Variants in INTS6 observed in about 807,000 individuals in gnomAD.
The protein encoded by INTS6 is integrator complex subunit 6, also known as DEAD box protein.
A neutral mutation model predicts 104.9 loss-of-function variants in INTS6; 16 were observed. That is an observed-to-expected ratio of 0.15 (90% CI 0.10 to 0.23). INTS6 has a LOEUF of 0.23. Ranked by LOEUF, INTS6 falls within the 10% of genes least tolerant of loss-of-function variation. The probability of loss-of-function intolerance (pLI) is 1.00; values close to 1 mark genes in which losing one functional copy is unlikely to be tolerated. For synonymous variants in INTS6, 324 were observed against 358.7 expected (o/e 0.90, Z 1.09); for missense variants, 584 against 1,062.8 (o/e 0.55, Z 6.26).
intron 4 of INTS6, among the ~76,000 whole-genome samples, chr13:51,401,351 G>T (rs1956435820): frequency 6.6e-6 from 1 of 152,116 alleles, no homozygotes; most frequent in South Asian, 2.1e-4. Flanking sequence ...GTTCTAAACA[G>T]AAGGATCATG....
downstream of INTS6, among the ~76,000 whole-genome samples, chr13:51,360,397 T>C (rs942851151): frequency 3.3e-5 from 5 of 151,998 alleles, no homozygotes; most frequent in Non-Finnish European, 5.9e-5. Context: ...TGATCTCAGG[T>C]GAGTTCACAG....
intron 11 of INTS6, among the ~76,000 whole-genome samples, chr13:51,378,822 A>G (rs901871136): frequency 1.3e-5 from 2 of 152,080 alleles, no homozygotes; most frequent in Non-Finnish European, 2.9e-5. Context: ...ATTATGTAAG[A>G]CATTTTTACT....
chr13:51,412,122 A>G (rs1298493080), intron 4 of INTS6, among the ~76,000 whole-genome samples: 1 of 152,202 alleles, frequency 6.6e-6, no homozygotes, highest in African/African-American at 2.4e-5. Flanking sequence ...AACAATAGTG[A>G]CAGAAAGCAG....
intron 5 of INTS6, among the ~76,000 whole-genome samples, chr13:51,392,020 T>C (rs2137954513): frequency 6.6e-6 from 1 of 152,258 alleles, no homozygotes; most frequent in Non-Finnish European, 1.5e-5. Flanking sequence ...CATCCTGGAT[T>C]GCTTCTTCCC....
intron 3 of INTS6, chr13:51,355,223 T>TTACACAGAGCCTTCAGTGGTAAACAA: frequency 1.5e-6 from 1 of 684,048 alleles, no homozygotes; most frequent in African/African-American, 1.8e-5. Flanking sequence ...GGATTCTCAT[T>TTACACAGAGCCTTCAGTGGTAAACAA]TCAGAGTCAA....
chr13:51,348,303 G>A, the INTS6 span: 15 of 1,613,178 alleles, frequency 9.3e-6, 1 homozygote, highest in Admixed American at 3.3e-5. Flanking sequence ...GTGCTGCCCC[G>A]TGACAAAGAC....
Position 51,452,169 on chromosome 13 carries a change from C to T in INTS6, c.112-114G>A, listed in dbSNP as rs1177560410. 3.1e-6 allele frequency: 3 copies of T among 982,504 alleles called. No homozygotes were observed. The Admixed American group carries it at 6.2e-5, about 20-fold the overall frequency. 60.9% of individuals were successfully genotyped at this position (982,504 alleles called of 1,614,324 possible). On this transcript the variant is annotated intron_variant, in intron 1 of 17. Transcript: ENST00000311234. The surrounding 1 kb of genome is among the most constrained non-coding windows in gnomAD (Gnocchi z 4.2). ...CGCCCCCACAGTACCGCACACGCAG[C>T]GGCCACCCCTCCACGCCGTCCCCCA...
rs1385030050 is a variant in INTS6, at chr13:51,362,740, T to C, written c.*3012A>G. The C allele has an allele frequency of 2.6e-5, 4 of 152,490 alleles. No homozygotes were observed. Among genetic ancestry groups the C allele is most frequent in the African/African-American group, 9.7e-5 (4 of 41,444 alleles). 9.4% of individuals were successfully genotyped at this position (152,490 alleles called of 1,614,324 possible). A position where few individuals can be genotyped will look rare whatever the true frequency, so the allele number is the denominator to read the frequency against. On this transcript the variant is annotated 3_prime_UTR_variant, in exon 18 of 18. Transcript: ENST00000311234. ...TTAGAATGAAAATTATGCATAGTTT[T>C]ACATAAATTGTTAAGGAAATACTGT...
At chr13:51,353,197 G>C (rs1442364592), downstream of INTS6, among the ~76,000 whole-genome samples, 1 of 151,742 alleles carries the variant, frequency 6.6e-6, no homozygotes, top group Non-Finnish European at 1.5e-5. Context: ...CACTTTTACT[G>C]ATGTTTTTAG....
intron 3 of INTS6, chr13:51,443,901 T>G: frequency 6.6e-6 from 1 of 152,156 alleles, no homozygotes; most frequent in Non-Finnish European, 1.5e-5. Flanking sequence ...TTTAACTAAT[T>G]TTGACCACAA....
In INTS6 at chr13:51,382,066, T is replaced by C; in HGVS notation, c.1238A>G (p.Glu413Gly). 1 of 1,612,086 alleles carries C rather than the reference T, an allele frequency of 6.2e-7. No individual in the cohort carries two copies. Among genetic ancestry groups the C allele is most frequent in the Non-Finnish European group, 8.5e-7 (1 of 1,178,980 alleles). ...GGGAGGCATTGTCTTCAAATAACTT[T>C]CAAATGACTGTCTCCACTTCAATGT... The part of the protein sequence containing the change: ...KPTLKWRQSF[E>G]SYLKTMPPYY... The change falls in exon 10 of 18, where the codon GAA becomes GGA. Residue 413 changes from glutamate (E) to glycine (G), a missense_variant. Transcript: ENST00000311234.
intron 4 of INTS6, among the ~76,000 whole-genome samples, chr13:51,415,456 G>A (rs1956770246): frequency 6.6e-6 from 1 of 152,156 alleles, no homozygotes; most frequent in African/African-American, 2.4e-5. Context: ...AAATCATGGG[G>A]ATGGGTCTCT....
chr13:51,407,534 T>G (rs1024472831), intron 4 of INTS6, among the ~76,000 whole-genome samples: 1 of 151,900 alleles, frequency 6.6e-6, no homozygotes, highest in Admixed American at 6.6e-5. Flanking sequence ...AGAAACAGAC[T>G]CATAAAAGCA....
chr13:51,388,354 TTGTG>T (rs754391935), intron 6 of INTS6, among the ~76,000 whole-genome samples: 2 of 151,312 alleles, frequency 1.3e-5, no homozygotes, highest in South Asian at 2.1e-4. Context: ...CTCTAAATCT[TTGTG>T]TGTGTGTGTG....
intron 5 of INTS6, among the ~76,000 whole-genome samples, chr13:51,392,927 C>A (rs950321675): frequency 6.6e-6 from 1 of 151,780 alleles, no homozygotes; most frequent in African/African-American, 2.4e-5. Context: ...ACAATGACTA[C>A]AATTATGCAA....
intron 4 of INTS6, among the ~76,000 whole-genome samples, chr13:51,403,507 A>G (rs1291645607): frequency 1.4e-5 from 2 of 144,610 alleles, no homozygotes; most frequent in African/African-American, 2.6e-5. Flanking sequence ...GCTTGAACCC[A>G]GGAGGTGGAG....
At chr13:51,358,243 GGCA>G (rs1187522983), downstream of INTS6, among the ~76,000 whole-genome samples, 1 of 152,008 alleles carries the variant, frequency 6.6e-6, no homozygotes, top group Non-Finnish European at 1.5e-5. Context: ...AGCAAGTTCT[GGCA>G]ATAACATTTT....
rs781459392 is a variant in INTS6, at chr13:51,452,574, T to C, written c.-49A>G. On this transcript the variant is annotated 5_prime_UTR_variant, in exon 1 of 18. Coordinates refer to ENST00000311234, the MANE Select transcript of INTS6 (RefSeq NM_012141.3). This position sits in a 1 kb window ranked among gnomAD's most constrained non-coding sequence, Gnocchi z 4.2. ...CCCGAGGTGGTGGAGAAAGAGGAGA[T>C]GGTAGAGGTGGAGGCGCCGGTGGCG... 6 of 1,588,342 alleles carry C rather than the reference T, an allele frequency of 3.8e-6. No homozygotes were observed. The highest frequency in any genetic ancestry group is 2.7e-5 in the African/African-American group (2 of 73,646).
At chr13:51,384,591 A>G in intron 7 of INTS6, 1 of 456,302 alleles carries the variant, frequency 2.2e-6, no homozygotes, top group Non-Finnish European at 4.4e-6. Context: ...CAGGTTCCTC[A>G]GACACAATAT....
Sources: gnomAD v4.1 joint callset for allele counts (sites outside exome capture counted in the v4.1 genomes callset) on GRCh38, gnomAD v4.1.1 for gene constraint, Gnocchi (gnomAD v3.1) non-coding constraint, MANE v1.5 for transcripts, NCBI Gene and HGNC (gene_info 2026-07-23, HGNC 2026-07-21) for gene names.